Variants in NBEA observed in about 807,000 individuals in gnomAD.
The protein encoded by NBEA is lysosomal-trafficking regulator 2.
In NBEA, 44 loss-of-function variants were observed where a neutral mutation model predicts 343.4. The observed-to-expected ratio is 0.13, with a 90% CI of 0.10 to 0.16. The LOEUF is 0.16. Ranked by LOEUF, NBEA falls within the 10% of genes least tolerant of loss-of-function variation. The pLI, the probability that NBEA is intolerant of heterozygous loss-of-function variation, is 1.00. For missense variants in NBEA, 2,555 were observed against 3,631.3 expected (o/e 0.70, Z 7.62); for synonymous variants, 1,175 against 1,238.7 (o/e 0.95, Z 1.08).
At position 35,157,062 on chromosome 13, in the gene NBEA, A is replaced by G. The variant is rs751701294; in HGVS notation, c.2652-16A>G. On this transcript the variant is annotated splice_polypyrimidine_tract_variant and intron_variant, in intron 20 of 58. Coordinates refer to ENST00000379939, the MANE Select transcript of NBEA (RefSeq NM_001385012.1). ...ATTTGGATATTTTTAATGAGATCAA[A>G]TTTTTTTCTCCCTAGATGCTTATTG... 5 of 1,510,732 alleles carry G rather than the reference A, an allele frequency of 3.3e-6. No individual in the cohort carries two copies. In the Admixed American group the frequency reaches 1.2e-4, roughly 35 times the overall value. 93.6% of individuals were successfully genotyped at this position (1,510,732 alleles called of 1,614,324 possible).
At chr13:35,046,503 A>G (rs1230235263) in intron 4 of NBEA, among the ~76,000 whole-genome samples, 1 of 152,070 alleles carries the variant, frequency 6.6e-6, no homozygotes, top group Non-Finnish European at 1.5e-5. Flanking sequence ...CATGGGGTAT[A>G]TATGTTCTAA....
intron 30 of NBEA, among the ~76,000 whole-genome samples, chr13:35,187,308 C>A (rs1280350348): frequency 6.6e-6 from 1 of 151,698 alleles, no homozygotes. Context: ...TTGATGTAAT[C>A]CCTTAGTTCA....
At chr13:35,379,578 A>G (rs1030707642) in intron 38 of NBEA, among the ~76,000 whole-genome samples, 3 of 152,122 alleles carry the variant, frequency 2.0e-5, no homozygotes, top group African/African-American at 7.2e-5. Flanking sequence ...TGTTTAAAGC[A>G]TCTTTGCCTA....
At chr13:35,112,678 CAT>C (rs940791291) in intron 13 of NBEA, among the ~76,000 whole-genome samples, 6 of 152,162 alleles carry the variant, frequency 3.9e-5, no homozygotes, top group African/African-American at 1.4e-4. Flanking sequence ...AAAGAATTCT[CAT>C]ATGTCCCTCA....
At chr13:35,253,071 C>A (rs1270543006) in intron 34 of NBEA, among the ~76,000 whole-genome samples, 1 of 152,188 alleles carries the variant, frequency 6.6e-6, no homozygotes, top group Admixed American at 6.5e-5. Flanking sequence ...GACTGCTCTT[C>A]TCAAAGGCTC....
rs368320540 is a variant in NBEA at position 35,551,489 on chromosome 13, AT to A, written c.6806+460del. Among the ~76,000 whole-genome samples the A allele has an allele frequency of 1.2e-4, 18 of 152,330 alleles. 1 individual carries two copies. Among genetic ancestry groups the A allele is most frequent in the South Asian group, 1.0e-3 (5 of 4,828 alleles). ...TTAATTATGGTATAGTTGTAACCAC[AT>A]TTCCTAGATTTTCATCTTGGTATTT... On this transcript the variant is annotated intron_variant, in intron 43 of 58. Transcript: ENST00000379939.
intron 25 of NBEA, among the ~76,000 whole-genome samples, chr13:35,169,874 A>C (rs2070331234): frequency 1.3e-5 from 2 of 151,800 alleles, no homozygotes; most frequent in Non-Finnish European, 3.0e-5. Flanking sequence ...AAGAATCTGC[A>C]TTTTAAAATC....
At chr13:35,562,481 T>G (rs1163663505) in intron 44 of NBEA, among the ~76,000 whole-genome samples, 1 of 152,098 alleles carries the variant, frequency 6.6e-6, no homozygotes, top group Non-Finnish European at 1.5e-5. Flanking sequence ...CTTGAGAATT[T>G]TTTTTAAGGA....
At chr13:35,169,270 A>G (rs1015505159) in intron 25 of NBEA, among the ~76,000 whole-genome samples, 1 of 151,568 alleles carries the variant, frequency 6.6e-6, no homozygotes, top group African/African-American at 2.4e-5. Context: ...AATTGGTTCT[A>G]AGGAAAGTAA....
At chr13:35,059,849 T>C (rs2063403791) in intron 8 of NBEA, among the ~76,000 whole-genome samples, 1 of 151,540 alleles carries the variant, frequency 6.6e-6, no homozygotes, top group Non-Finnish European at 1.5e-5. Flanking sequence ...ACCATAATAA[T>C]ACTGAAGAAG....
At chr13:35,179,794 CTTGG>C (rs2071182658) in intron 28 of NBEA, 1 of 984,546 alleles carries the variant, frequency 1.0e-6, no homozygotes, top group Non-Finnish European at 1.2e-6. Context: ...TGAATCTGTT[CTTGG>C]TTGGTATCTT....
intron 49 of NBEA, among the ~76,000 whole-genome samples, chr13:35,633,204 G>A (rs1448677413): frequency 1.3e-5 from 2 of 151,310 alleles, no homozygotes; most frequent in African/African-American, 4.9e-5. Flanking sequence ...CCGGGTTCAC[G>A]CCATTCTCCT....
At chr13:35,058,635 A>G (rs2063352867) in intron 7 of NBEA, 82 bp from the exon 8 acceptor site, 1 of 1,042,536 alleles carries the variant, frequency 9.6e-7, no homozygotes, top group Non-Finnish European at 1.4e-6. Flanking sequence ...TAAAATATTC[A>G]TGATAATGAA....
At chr13:35,067,864 G>A (rs1293974508) in intron 8 of NBEA, among the ~76,000 whole-genome samples, 2 of 151,920 alleles carry the variant, frequency 1.3e-5, no homozygotes, top group Non-Finnish European at 2.9e-5. Context: ...GCCTCATGAA[G>A]AGCTGGAACT....
chr13:35,392,636 G>A (rs1024076529), intron 38 of NBEA, among the ~76,000 whole-genome samples: 1 of 152,090 alleles, frequency 6.6e-6, no homozygotes, highest in Non-Finnish European at 1.5e-5. Context: ...CTTCTAACAT[G>A]AGAAAAACTA....
intron 36 of NBEA, among the ~76,000 whole-genome samples, chr13:35,316,580 T>C (rs2037741043): frequency 6.6e-6 from 1 of 152,204 alleles, no homozygotes; most frequent in Non-Finnish European, 1.5e-5. Flanking sequence ...TGTGTGCATG[T>C]GTGTTTATAG....
chr13:35,275,884 G>A (rs994051345), intron 34 of NBEA, among the ~76,000 whole-genome samples: 1 of 152,094 alleles, frequency 6.6e-6, no homozygotes, highest in East Asian at 1.9e-4. Flanking sequence ...ATAGCCTTAG[G>A]AGAAATACCT....
intron 13 of NBEA, among the ~76,000 whole-genome samples, chr13:35,114,042 G>A (rs1377388834): frequency 2.0e-5 from 3 of 152,048 alleles, no homozygotes; most frequent in East Asian, 1.9e-4. Flanking sequence ...TCCTTATCCC[G>A]CCCTGAAATT....
chr13:35,513,073 G>T (rs921248729), intron 41 of NBEA, among the ~76,000 whole-genome samples: 1 of 151,384 alleles, frequency 6.6e-6, no homozygotes, highest in African/African-American at 2.4e-5. Flanking sequence ...GGAAATAATT[G>T]TGCAATTATT....
Sources: allele counts gnomAD v4.1 joint callset (sites outside exome capture counted in the v4.1 genomes callset), GRCh38; gene constraint gnomAD v4.1.1; transcripts MANE v1.5; gene names NCBI Gene and HGNC (gene_info 2026-07-23, HGNC 2026-07-21).